The following FBXO11 variants were observed in gnomAD, a reference collection of about 807,000 sequenced individuals.
The protein encoded by FBXO11 is F-box only protein 11.
FBXO11 carries 13 observed loss-of-function variants against 117.0 expected under a neutral mutation model. The observed-to-expected ratio is 0.11, with a 90% CI of 0.07 to 0.18. The LOEUF is 0.18. Ranked by LOEUF, FBXO11 falls within the 10% of genes least tolerant of loss-of-function variation. FBXO11 has a pLI of 1.00. For synonymous variants in FBXO11, 490 were observed against 380.5 expected (o/e 1.29, Z -3.35); for missense variants, 767 against 1,164.4 (o/e 0.66, Z 4.97).
intron 1 of FBXO11, among the ~76,000 whole-genome samples, chr2:47,881,426 T>C (rs1172210421): frequency 6.6e-6 from 1 of 152,222 alleles, no homozygotes; most frequent in East Asian, 1.9e-4. Flanking sequence ...TTGTAATTTC[T>C]ATCTCTTTAG....
At chr2:47,825,164 C>T (rs1317193012) in intron 11 of FBXO11, among the ~76,000 whole-genome samples, 1 of 152,086 alleles carries the variant, frequency 6.6e-6, no homozygotes, top group African/African-American at 2.4e-5. Flanking sequence ...ATGTTTAACT[C>T]TTCAAGAAAA....
At chr2:47,871,007 C>T (rs1187978721) in intron 1 of FBXO11, among the ~76,000 whole-genome samples, 1 of 152,210 alleles carries the variant, frequency 6.6e-6, no homozygotes, top group African/African-American at 2.4e-5. Flanking sequence ...GCATTATCCT[C>T]CGCAGGGGTT....
rs948281855 is a variant in FBXO11 at position 47,814,020 on chromosome 2, T to TA, written c.2007-154dup. 2.7e-5 allele frequency: 16 copies of TA among 581,864 alleles called. No individual in the cohort carries two copies. In the African/African-American group the frequency reaches 2.8e-4, roughly 10 times the overall value. The allele number at this position is 581,864 out of a possible 1,614,324, so 36.0% of individuals were successfully genotyped here. A position where few individuals can be genotyped will look rare whatever the true frequency, so the allele number is the denominator to read the frequency against. On this transcript the variant is annotated intron_variant, in intron 16 of 22. Transcript: ENST00000403359. ...AAGATGCCCTGAGAAGAAAGTGGTT[T>TA]AATTTTGCTTAATCCTGTATTTCCC...
intron 11 of FBXO11, among the ~76,000 whole-genome samples, chr2:47,827,203 C>A (rs1671819905): frequency 6.6e-6 from 1 of 152,140 alleles, no homozygotes; most frequent in South Asian, 2.1e-4. Context: ...GATTTTACTA[C>A]CTTTAGAAAT....
At chr2:47,867,887 C>T (rs1170035039) in intron 1 of FBXO11, among the ~76,000 whole-genome samples, 2 of 152,110 alleles carry the variant, frequency 1.3e-5, no homozygotes, top group African/African-American at 2.4e-5. Flanking sequence ...TTAATTCATC[C>T]CATGTTAGTT....
intron 1 of FBXO11, among the ~76,000 whole-genome samples, chr2:47,857,423 A>T (rs10495947): frequency 0.15 from 22,969 of 152,060 alleles, 1,870 homozygotes; most frequent in Non-Finnish European, 0.18. Context: ...ACCTGGCCAG[A>T]AATTTTATGG....
chr2:47,846,903 T>C (rs941378028), intron 1 of FBXO11, among the ~76,000 whole-genome samples: 2 of 152,158 alleles, frequency 1.3e-5, no homozygotes, highest in South Asian at 2.1e-4. Context: ...CTACCCTTAA[T>C]TGGACAATGC....
chr2:47,883,738 G>GT (rs1676608225), intron 1 of FBXO11: 1 of 263,828 alleles, frequency 3.8e-6, no homozygotes, highest in Non-Finnish European at 7.7e-6. Context: ...GAGAAAGAAG[G>GT]TTAAGTTGGC....
At chr2:47,815,234 A>C (rs1272884439) in intron 16 of FBXO11, among the ~76,000 whole-genome samples, 1 of 152,210 alleles carries the variant, frequency 6.6e-6, no homozygotes, top group Non-Finnish European at 1.5e-5. Flanking sequence ...TTGGACACAA[A>C]GGATCTGGCC....
intron 1 of FBXO11, among the ~76,000 whole-genome samples, chr2:47,871,037 TTTGATACTCCTCTTCCTTGAGTA>T (rs1368490828): frequency 3.8e-4 from 58 of 152,364 alleles, no homozygotes; most frequent in Middle Eastern, 3.4e-3. Context: ...CCACAAATGC[TTTGATACTCCTCTTCCTTGAGTA>T]TTGATACTCC....
At chr2:47,827,739 T>C (rs1671866263) in intron 11 of FBXO11, among the ~76,000 whole-genome samples, 1 of 145,878 alleles carries the variant, frequency 6.9e-6, no homozygotes, top group Non-Finnish European at 1.5e-5. Flanking sequence ...CACTGTCTCC[T>C]AGGCTGGAGC....
In FBXO11 at chr2:47,875,173, G is replaced by A. The variant is rs151076384; in HGVS notation, c.232+30316C>T. 2.4e-3 allele frequency among the ~76,000 whole-genome samples: 362 copies of A among 152,158 alleles called. 2 individuals carry two copies. Among genetic ancestry groups the A allele is most frequent in the African/African-American group, 8.1e-3 (338 of 41,522 alleles). On this transcript the variant is annotated intron_variant, in intron 1 of 22. Transcript: ENST00000403359. ...CAGTCCAACATGGCAGCCAGCCACC[G>A]TGAAGTAAGAGTAATTGTAAGTTGT... is the stretch of plus-strand genomic sequence containing the variant.
chr2:47,846,042 ATT>A (rs998717082), intron 1 of FBXO11, among the ~76,000 whole-genome samples: 8 of 152,238 alleles, frequency 5.3e-5, no homozygotes, highest in African/African-American at 1.9e-4. Flanking sequence ...AACAAAAAAT[ATT>A]TGTTACATTA....
At chr2:47,884,699 C>T (rs1025210235) in intron 1 of FBXO11, among the ~76,000 whole-genome samples, 1 of 152,090 alleles carries the variant, frequency 6.6e-6, no homozygotes, top group African/African-American at 2.4e-5. Flanking sequence ...AGTGTAACTT[C>T]AGGTATTTTT....
In FBXO11 at chr2:47,835,049, C is replaced by G. The variant is rs192604229; in HGVS notation, c.718-178G>C. Among the ~76,000 whole-genome samples, 850 of 152,276 alleles carry G rather than the reference C, an allele frequency of 5.6e-3. 4 individuals carry two copies. Among genetic ancestry groups the G allele is most frequent in the Middle Eastern group, 0.027 (8 of 294 alleles). On this transcript the variant is annotated intron_variant, in intron 5 of 22. Coordinates refer to ENST00000403359, the MANE Select transcript of FBXO11 (RefSeq NM_001190274.2). ...AAAACAAGTTATGATCCGGTAATAT[C>G]CAGAAACAAAGAACAGGGTTTCTCA...
chr2:47,856,044 G>C (rs1475115469), intron 1 of FBXO11, among the ~76,000 whole-genome samples: 2 of 152,160 alleles, frequency 1.3e-5, no homozygotes, highest in African/African-American at 4.8e-5. Context: ...CTAAGAGTTC[G>C]AGGCTGCAGC....
chr2:47,873,689 AC>A (rs1163033279), intron 1 of FBXO11, among the ~76,000 whole-genome samples: 1 of 152,116 alleles, frequency 6.6e-6, no homozygotes, highest in Non-Finnish European at 1.5e-5. Context: ...CTAAGTTGCT[AC>A]CCATTCACTC....
chr2:47,817,633 C>T (rs2651766), intron 16 of FBXO11, among the ~76,000 whole-genome samples: 96,464 of 152,070 alleles, frequency 0.63, 31,718 homozygotes, highest in African/African-American at 0.82. Flanking sequence ...TACGCAACTC[C>T]TCCTTTCACT....
chr2:47,864,420 T>C (rs550159737), intron 1 of FBXO11, among the ~76,000 whole-genome samples: 1 of 152,224 alleles, frequency 6.6e-6, no homozygotes, highest in Admixed American at 6.5e-5. Flanking sequence ...AAACCCCATC[T>C]CTACTAAAAA....
Sources: allele counts gnomAD v4.1 joint callset (sites outside exome capture counted in the v4.1 genomes callset), GRCh38; gene constraint gnomAD v4.1.1; transcripts MANE v1.5; gene names NCBI Gene and HGNC (gene_info 2026-07-23, HGNC 2026-07-21).